TBC1D5: variants seen among roughly 807,000 people sequenced by gnomAD.
TBC1D5 encodes the protein TBC1 domain family member 5, also known as TBC1 domain family, member 5.
In TBC1D5, 75 loss-of-function variants were observed where a neutral mutation model predicts 100.3. That is an observed-to-expected ratio of 0.75 (90% confidence interval 0.62 to 0.91). TBC1D5 has a LOEUF of 0.91. Ranked by LOEUF, TBC1D5 falls within the 40% of genes least tolerant of loss-of-function variation. The probability of loss-of-function intolerance (pLI) is 0.00; values close to 1 mark genes in which losing one functional copy is unlikely to be tolerated. For missense variants in TBC1D5, 910 were observed against 942.4 expected (o/e 0.97, Z 0.45); for synonymous variants, 323 against 325.6 (o/e 0.99, Z 0.09).
intron 2 of TBC1D5, among the ~76,000 whole-genome samples, chr3:17,598,716 A>G (rs991093044): frequency 6.6e-6 from 1 of 152,228 alleles, no homozygotes; most frequent in East Asian, 1.9e-4. Context: ...TTCTTAGAAA[A>G]TAAGAGGGCA....
chr3:17,168,185 A>G (rs2066831207), intron 19 of TBC1D5, among the ~76,000 whole-genome samples: 1 of 152,222 alleles, frequency 6.6e-6, no homozygotes, highest in South Asian at 2.1e-4. Flanking sequence ...GGCTTCCTGT[A>G]TAGCCTCATG....
chr3:17,568,201 T>C (rs929028908), intron 2 of TBC1D5, among the ~76,000 whole-genome samples: 5 of 151,482 alleles, frequency 3.3e-5, no homozygotes, highest in African/African-American at 1.2e-4. Flanking sequence ...TCTAAGAATA[T>C]AAAATATATA....
intron 2 of TBC1D5, among the ~76,000 whole-genome samples, chr3:17,543,085 TG>T (rs1381644618): frequency 6.6e-6 from 1 of 151,704 alleles, no homozygotes; most frequent in African/African-American, 2.4e-5. Context: ...TAGATATATA[TG>T]GCACAGTTAC....
At chr3:17,303,506 T>A (rs543648855) in intron 14 of TBC1D5, among the ~76,000 whole-genome samples, 1 of 152,226 alleles carries the variant, frequency 6.6e-6, no homozygotes, top group Non-Finnish European at 1.5e-5. Context: ...CTTGGTGAAG[T>A]GTCCATGGAG....
intron 2 of TBC1D5, among the ~76,000 whole-genome samples, chr3:17,510,813 T>C (rs2095895910): frequency 6.6e-6 from 1 of 152,034 alleles, no homozygotes; most frequent in African/African-American, 2.4e-5. Context: ...ACTCATTTCA[T>C]CCTCCTTAAA....
chr3:17,574,391 A>G (rs2096645279), intron 2 of TBC1D5, among the ~76,000 whole-genome samples: 1 of 151,996 alleles, frequency 6.6e-6, no homozygotes, highest in African/African-American at 2.4e-5. Flanking sequence ...AGCTTCTTCA[A>G]TATATCCCCA....
intron 1 of TBC1D5, among the ~76,000 whole-genome samples, chr3:17,677,468 A>G (rs2068794984): frequency 6.6e-6 from 1 of 152,248 alleles, no homozygotes; most frequent in South Asian, 2.1e-4. Flanking sequence ...CACACCAGTT[A>G]GAATGGTGAT....
chr3:17,273,800 T>G (rs1205308036), intron 15 of TBC1D5, among the ~76,000 whole-genome samples: 1 of 127,818 alleles, frequency 7.8e-6, no homozygotes, highest in Non-Finnish European at 1.6e-5. Flanking sequence ...AGAGCAAAAC[T>G]CTGTATCTCA....
intron 2 of TBC1D5, among the ~76,000 whole-genome samples, chr3:17,531,188 T>C (rs959208444): frequency 2.6e-5 from 4 of 152,060 alleles, no homozygotes; most frequent in African/African-American, 4.8e-5. Context: ...TATACAGCAA[T>C]AACAGACAAA....
chr3:17,228,094 G>A (rs1237966732), intron 17 of TBC1D5, among the ~76,000 whole-genome samples: 1 of 152,106 alleles, frequency 6.6e-6, no homozygotes, highest in Non-Finnish European at 1.5e-5. Flanking sequence ...AGGATTATAA[G>A]GGCTTGGTTG....
chr3:17,699,546 T>TAATA (rs1027072612), intron 1 of TBC1D5, among the ~76,000 whole-genome samples: 2 of 91,434 alleles, frequency 2.2e-5, no homozygotes, highest in African/African-American at 3.6e-5. Context: ...AGTATAATAA[T>TAATA]AATAAATAGA....
chr3:17,377,398 C>T (rs1260651793), intron 9 of TBC1D5, among the ~76,000 whole-genome samples: 1 of 151,940 alleles, frequency 6.6e-6, no homozygotes, highest in East Asian at 1.9e-4. Context: ...TACAGTATTC[C>T]ACATTATGGC....
intron 13 of TBC1D5, among the ~76,000 whole-genome samples, chr3:17,346,864 C>T (rs543450656): frequency 6.6e-6 from 1 of 151,990 alleles, no homozygotes; most frequent in Non-Finnish European, 1.5e-5. Flanking sequence ...TTGAAGTCAC[C>T]TTTATAATAT....
intron 13 of TBC1D5, among the ~76,000 whole-genome samples, chr3:17,314,425 T>C (rs2084413255): frequency 6.6e-6 from 1 of 152,116 alleles, no homozygotes; most frequent in African/African-American, 2.4e-5. Context: ...AAGCAGTAAG[T>C]GATCAGATTT....
At chr3:17,325,268 TA>T (rs35243838) in intron 13 of TBC1D5, among the ~76,000 whole-genome samples, 60,322 of 127,548 alleles carry the variant, frequency 0.47, 14,160 homozygotes, top group African/African-American at 0.59. Context: ...AGTACTCAGT[TA>T]AAAAAAAAAA....
intron 1 of TBC1D5, among the ~76,000 whole-genome samples, chr3:17,673,032 T>C (rs901493067): frequency 6.6e-6 from 1 of 152,144 alleles, no homozygotes; most frequent in Admixed American, 6.5e-5. Flanking sequence ...CAAGTAACCG[T>C]TGAGGAATAA....
At chr3:17,168,092 A>T (rs1305349642) in intron 19 of TBC1D5, among the ~76,000 whole-genome samples, 1 of 152,136 alleles carries the variant, frequency 6.6e-6, no homozygotes, top group Non-Finnish European at 1.5e-5. Context: ...TTCCAACAAG[A>T]GATCTGGGTA....
At chr3:17,462,654 C>T (rs1161556583) in intron 3 of TBC1D5, among the ~76,000 whole-genome samples, 2 of 151,604 alleles carry the variant, frequency 1.3e-5, no homozygotes, top group Non-Finnish European at 2.9e-5. Flanking sequence ...AATTTACTTA[C>T]TATGGCTCTA....
chr3:17,417,581 C>A (rs576804233), intron 4 of TBC1D5, among the ~76,000 whole-genome samples: 23 of 152,186 alleles, frequency 1.5e-4, no homozygotes, highest in Middle Eastern at 3.4e-3. Flanking sequence ...TTTCTTAATC[C>A]AGTCTATCAC....
Sources: allele counts gnomAD v4.1 joint callset (sites outside exome capture counted in the v4.1 genomes callset), GRCh38; gene constraint gnomAD v4.1.1; transcripts MANE v1.5; gene names NCBI Gene and HGNC (gene_info 2026-07-23, HGNC 2026-07-21).